The following DCX variants were observed in gnomAD, a reference collection of about 807,000 sequenced individuals.
DCX encodes doublecortin, also known as neuronal migration protein doublecortin.
Under a neutral mutation model 20.9 loss-of-function variants are expected in DCX, and 4 were observed. The ratio of observed to expected loss-of-function variants is 0.19; its 90% CI spans 0.09 to 0.44. DCX has a LOEUF of 0.44. Ranked by LOEUF, DCX falls within the 20% of genes least tolerant of loss-of-function variation. The probability of loss-of-function intolerance (pLI) is 0.99; values close to 1 mark genes in which losing one functional copy is unlikely to be tolerated. For synonymous variants in DCX, 103 were observed against 111.4 expected (o/e 0.92, Z 0.47); for missense variants, 133 against 296.9 (o/e 0.45, Z 4.06).
At chrX:111,399,887 T>C (rs1305376925) in intron 3 of DCX, among the ~76,000 whole-genome samples, 2 of 111,498 alleles carry the variant, frequency 1.8e-5, no homozygotes, top group African/African-American at 3.3e-5. Context: ...CAAAGCCAAA[T>C]ATTTCTCAAA....
chrX:111,393,726 G>A (rs1434711574), intron 3 of DCX, among the ~76,000 whole-genome samples: 2 of 111,032 alleles, frequency 1.8e-5, no homozygotes, highest in African/African-American at 3.3e-5. Flanking sequence ...ATAAGCATGT[G>A]AAAATATGTG....
intron 3 of DCX, among the ~76,000 whole-genome samples, chrX:111,361,493 C>T (rs991452184): frequency 8.9e-6 from 1 of 111,813 alleles, no homozygotes; most frequent in Non-Finnish European, 1.9e-5. Context: ...ACTCTCACTT[C>T]GAAACAGTTG....
At chrX:111,303,092 C>CTT (rs536285244) in intron 6 of DCX, among the ~76,000 whole-genome samples, 4 of 99,993 alleles carry the variant, frequency 4.0e-5, no homozygotes, top group Non-Finnish European at 4.1e-5. Context: ...GGTTAAGAAA[C>CTT]TTTTTTTTTT....
At position 111,330,887 on chromosome X, in the gene DCX, A is replaced by G; in HGVS notation, c.946+17T>C. 8.3e-7 allele frequency: 1 copy of G among 1,211,166 alleles called. No homozygotes were observed. Among genetic ancestry groups the G allele is most frequent in the Non-Finnish European group, 1.1e-6 (1 of 894,953 alleles). On this transcript the variant is annotated intron_variant, in intron 5 of 6. Coordinates refer to ENST00000636035, the MANE Select transcript of DCX (RefSeq NM_001195553.2). ...ATAAATGAAGTCAGCGTGCACAGTTAGGAAAAGAGCACTCACCGTCTTGGT... is the reference window on the plus strand; with the variant it reads ...ATAAATGAAGTCAGCGTGCACAGTTGGGAAAAGAGCACTCACCGTCTTGGT...
intron 3 of DCX, among the ~76,000 whole-genome samples, chrX:111,361,067 CTA>C (rs1924167076): frequency 9.0e-6 from 1 of 111,604 alleles, no homozygotes; most frequent in Non-Finnish European, 1.9e-5. Flanking sequence ...AAAACTGTCT[CTA>C]TATATTTCCA....
chrX:111,362,790 C>T (rs1353543047), intron 3 of DCX, among the ~76,000 whole-genome samples: 1 of 111,484 alleles, frequency 9.0e-6, no homozygotes, highest in Non-Finnish European at 1.9e-5. Flanking sequence ...ATCCTCCTGC[C>T]TAAATATCTG....
intron 2 of DCX, among the ~76,000 whole-genome samples, chrX:111,407,828 A>ACACG (rs1928328061): frequency 9.1e-6 from 1 of 110,056 alleles, no homozygotes; most frequent in African/African-American, 3.3e-5. Flanking sequence ...ACACACACAC[A>ACACG]CACACACACA....
At chrX:111,374,468 A>C (rs1294950649) in intron 3 of DCX, among the ~76,000 whole-genome samples, 1 of 111,494 alleles carries the variant, frequency 9.0e-6, no homozygotes, top group Non-Finnish European at 1.9e-5. Flanking sequence ...TTGTATACTC[A>C]CATACGCTAC....
At chrX:111,380,779 T>C (rs1013589779) in intron 3 of DCX, among the ~76,000 whole-genome samples, 5 of 111,592 alleles carry the variant, frequency 4.5e-5, no homozygotes, top group Admixed American at 9.6e-5. Flanking sequence ...ATAAATTCTC[T>C]TTTGAACTGG....
At chrX:111,338,330 G>T (rs1921912856) in intron 3 of DCX, among the ~76,000 whole-genome samples, 1 of 111,956 alleles carries the variant, frequency 8.9e-6, no homozygotes, top group Non-Finnish European at 1.9e-5. Flanking sequence ...AAACACCGTG[G>T]CAAGGAACAC....
chrX:111,318,079 G>T (rs2095077372), intron 5 of DCX, among the ~76,000 whole-genome samples: 2 of 106,339 alleles, frequency 1.9e-5, no homozygotes, highest in African/African-American at 6.9e-5. Flanking sequence ...CAGCTACTCG[G>T]GAGGCTGAGG....
In DCX at chrX:111,410,405, G is replaced by A; in HGVS notation, c.-7C>T. The A allele has an allele frequency of 8.3e-7, 1 of 1,210,625 alleles. No individual in the cohort carries two copies. Reference sequence around the variant, plus strand: ...GTCCAAAATCAAGTTCCATATTTTGGTGGAACCTCAGAGACCTGAGCGTGG... The same window carrying A: ...GTCCAAAATCAAGTTCCATATTTTGATGGAACCTCAGAGACCTGAGCGTGG... On this transcript the variant is annotated 5_prime_UTR_variant, in exon 2 of 7. Transcript: ENST00000636035.
chrX:111,387,669 C>T (rs775098473), intron 3 of DCX, among the ~76,000 whole-genome samples: 1 of 111,870 alleles, frequency 8.9e-6, no homozygotes, highest in Non-Finnish European at 1.9e-5. Flanking sequence ...GCTGTAATGT[C>T]TCTGGTGAGT....
At chrX:111,338,626 G>A (rs1921946195) in intron 3 of DCX, among the ~76,000 whole-genome samples, 1 of 103,230 alleles carries the variant, frequency 9.7e-6, no homozygotes, top group South Asian at 4.5e-4. Context: ...GGGTTATCTT[G>A]AAGCCTTACT....
chrX:111,375,646 A>G (rs1487621048), intron 3 of DCX, among the ~76,000 whole-genome samples: 1 of 111,378 alleles, frequency 9.0e-6, no homozygotes, highest in African/African-American at 3.3e-5. Context: ...TTAAGCAAAA[A>G]CATACTTTAC....
At chrX:111,321,657 G>A (rs1003773470) in intron 5 of DCX, among the ~76,000 whole-genome samples, 1 of 111,329 alleles carries the variant, frequency 9.0e-6, no homozygotes, top group African/African-American at 3.3e-5. Context: ...CAAGGACAGA[G>A]TGGGGTCACT....
intron 6 of DCX, among the ~76,000 whole-genome samples, chrX:111,303,213 G>A (rs1303558666): frequency 1.8e-5 from 2 of 108,483 alleles, no homozygotes; most frequent in South Asian, 4.2e-4. Context: ...TCAGCCTCCC[G>A]AGTAGCTGGG....
At chrX:111,351,595 A>C (rs968043989) in intron 3 of DCX, among the ~76,000 whole-genome samples, 2 of 112,418 alleles carry the variant, frequency 1.8e-5, no homozygotes, top group African/African-American at 6.5e-5. Context: ...TAGGAATTTC[A>C]ACAGTCTAGT....
intron 3 of DCX, among the ~76,000 whole-genome samples, chrX:111,366,675 G>A (rs781263506): frequency 8.9e-6 from 1 of 111,853 alleles, no homozygotes; most frequent in African/African-American, 3.2e-5. Flanking sequence ...ATATTCCCAA[G>A]GAACAAGGAG....
Sources: allele counts gnomAD v4.1 joint callset (sites outside exome capture counted in the v4.1 genomes callset), GRCh38; gene constraint gnomAD v4.1.1; transcripts MANE v1.5; gene names NCBI Gene and HGNC (gene_info 2026-07-23, HGNC 2026-07-21).